The following MROH1 variants were observed in gnomAD, a reference collection of about 807,000 sequenced individuals.
The protein encoded by MROH1 is maestro heat like repeat family member 1.
A neutral mutation model predicts 116.5 loss-of-function variants in MROH1; 117 were observed. The observed-to-expected ratio is 1.00, with a 90% confidence interval of 0.86 to 1.17. The LOEUF (loss-of-function observed/expected upper bound fraction) is 1.17, where lower values mean the gene tolerates loss of function less well. Ranked by LOEUF, MROH1 falls within the 50% of genes most tolerant of loss-of-function variation. MROH1 has a pLI of 0.00. For missense variants in MROH1, 1,873 were observed against 1,338.5 expected, an observed-to-expected ratio of 1.40 and a Z score of -6.23; for synonymous variants, 921 against 583.9, an observed-to-expected ratio of 1.58 and a Z score of -8.32.
intron 1 of MROH1, among the ~76,000 whole-genome samples, chr8:144,151,382 A>C (rs1816753390): frequency 6.6e-6 from 1 of 152,066 alleles, no homozygotes; most frequent in Non-Finnish European, 1.5e-5. Flanking sequence ...ACGCCAGTGG[A>C]AGAACACACC....
intron 33 of MROH1, chr8:144,250,714 T>C: frequency 2.4e-6 from 1 of 411,996 alleles, no homozygotes; most frequent in East Asian, 5.4e-5. Flanking sequence ...CCCCTCACCC[T>C]GTGTCTTGGT....
chr8:144,192,513 G>T, intron 10 of MROH1, 112 bp downstream of exon 10: 2 of 873,036 alleles, frequency 2.3e-6, no homozygotes, highest in Non-Finnish European at 3.7e-6. Context: ...GCCACGTGGG[G>T]CTGAGGACTG....
In MROH1 at chr8:144,191,761, T is replaced by C; in HGVS notation, c.761T>C (p.Leu254Pro). 1 of 1,613,322 alleles carries C rather than the reference T, an allele frequency of 6.2e-7. No homozygotes were observed. ...VEALGPMSHLLPSERLEEQLP... is the reference protein window; with the variant it reads ...VEALGPMSHLPPSERLEEQLP... ...GCTCTGGGGCCTATGAGCCATCTGC[T>C]GCCCAGTGAGAGGCTGGAAGAGCAG... The change falls in exon 9 of 44, where the codon CTG (leucine) becomes CCG (proline). Residue 254 changes from leucine to proline, a missense_variant. Transcript: ENST00000326134.
intron 13 of MROH1, 106 bp downstream of exon 13, chr8:144,220,779 C>G (rs1836550457): frequency 6.7e-6 from 6 of 892,726 alleles, no homozygotes; most frequent in African/African-American, 6.6e-5. Flanking sequence ...GGCCACCACC[C>G]TTGGCTGGAC....
intron 12 of MROH1, among the ~76,000 whole-genome samples, chr8:144,209,606 C>A (rs190346104): frequency 1.4e-5 from 2 of 146,808 alleles, no homozygotes; most frequent in African/African-American, 5.0e-5. Context: ...AAAGAAAAAT[C>A]GTTAGTATAA....
chr8:144,260,977 A>C lies in MROH1; in HGVS notation c.4607A>C (p.Lys1536Thr). Residue 1536 changes from lysine to threonine, a missense_variant, in exon 41 of 44, where the codon AAA (lysine) becomes ACA (threonine). Coordinates refer to ENST00000326134, the MANE Select transcript of MROH1 (RefSeq NM_032450.3). ...GAGGAGCTCTCAGCTGCTTTCCAGA[A>C]ACACCTGCAGGAGGGCCGAGCCCTG... The part of the protein sequence containing the change: ...ACEELSAAFQ[K>T]HLQEGRALHF... The C allele has an allele frequency of 2.6e-6, 2 of 777,162 alleles. No homozygotes were observed. The highest frequency in any genetic ancestry group is 4.8e-6 in the Non-Finnish European group (2 of 417,480). 48.1% of individuals were successfully genotyped at this position (777,162 alleles called of 1,614,324 possible). A position where few individuals can be genotyped will look rare whatever the true frequency, so the allele number is the denominator to read the frequency against.
At chr8:144,149,585 C>T (rs1476692634) in intron 1 of MROH1, among the ~76,000 whole-genome samples, 2 of 152,094 alleles carry the variant, frequency 1.3e-5, no homozygotes, top group Admixed American at 6.5e-5. Flanking sequence ...CTGGTTGCTG[C>T]CCTCTGTCTC....
intron 4 of MROH1, 125 bp from the exon 5 acceptor site, chr8:144,179,330 C>T (rs960414899): frequency 4.4e-5 from 60 of 1,370,190 alleles, no homozygotes; most frequent in Non-Finnish European, 9.9e-6. Context: ...CAGGTGTACC[C>T]CTCCCCTCCT....
At chr8:144,201,781 G>A (rs904192231) in intron 12 of MROH1, among the ~76,000 whole-genome samples, 3 of 152,074 alleles carry the variant, frequency 2.0e-5, no homozygotes, top group Admixed American at 2.0e-4. Context: ...GGGAGGCCAT[G>A]GCGGGCAGAT....
At position 144,248,837 on chromosome 8, in the gene MROH1, G is replaced by GC. The variant is rs1347944833; in HGVS notation, c.3121-34dup. ...GCCTAACAGAAGTGGCGTTGGGGGT[G>GC]CCCCCCTTCCCTCAACCTCTGGCAT... On this transcript the variant is annotated intron_variant, in intron 31 of 43. Coordinates refer to ENST00000326134, the MANE Select transcript of MROH1 (RefSeq NM_032450.3). 6 of 770,974 alleles carry GC rather than the reference G, an allele frequency of 7.8e-6. No homozygotes were observed. In the Admixed American group the frequency reaches 8.6e-5, roughly 11 times the overall value. 47.8% of individuals were successfully genotyped at this position (770,974 alleles called of 1,614,324 possible).
chr8:144,254,174 A>G (rs1043783313), intron 33 of MROH1, among the ~76,000 whole-genome samples: 6,605 of 152,032 alleles, frequency 0.043, 187 homozygotes, highest in African/African-American at 0.072. Context: ...TTATCTTCCT[A>G]TTCACTGGGT....
intron 1 of MROH1, among the ~76,000 whole-genome samples, chr8:144,157,235 C>A (rs1271524080): frequency 6.6e-5 from 10 of 152,110 alleles, no homozygotes; most frequent in Non-Finnish European, 7.3e-5. Flanking sequence ...GCTTGAGCCA[C>A]CATGTACAGC....
At chr8:144,190,972 C>T (rs1430967419) in intron 8 of MROH1, 37 bp downstream of exon 8, 1 of 1,580,570 alleles carries the variant, frequency 6.3e-7, no homozygotes. Flanking sequence ...CGCCTGATGC[C>T]AGGGCTCTCT....
rs1002834118 is a variant in MROH1 at position 144,260,223 on chromosome 8, T to C, written c.4229T>C (p.Ile1410Thr). 19 of 765,708 alleles carry C rather than the reference T, an allele frequency of 2.5e-5. No individual in the cohort carries two copies. Among genetic ancestry groups the C allele is most frequent in the African/African-American group, 1.5e-4 (9 of 59,104 alleles). The allele number at this position is 765,708 out of a possible 1,614,324, so 47.4% of individuals were successfully genotyped here. Reference protein sequence around the residue: ...THGPQLLTAMIGGLDDGDNPH... With the variant: ...THGPQLLTAMTGGLDDGDNPH... ...GGCCCCCAGCTCCTCACAGCCATGA[T>C]TGGCGGGCTGGACGACGGGGACAAC... The change falls in exon 39 of 44, where the codon ATT becomes ACT. Residue 1410 changes from isoleucine to threonine, a missense_variant. Coordinates refer to ENST00000326134, the MANE Select transcript of MROH1 (RefSeq NM_032450.3).
intron 7 of MROH1, among the ~76,000 whole-genome samples, chr8:144,186,495 C>T (rs1201931179): frequency 2.6e-5 from 4 of 152,186 alleles, no homozygotes; most frequent in Non-Finnish European, 1.5e-5. Flanking sequence ...GTCTGCCCTC[C>T]CCGTCCATGC....
At chr8:144,151,247 C>CA (rs1160118892) in intron 1 of MROH1, among the ~76,000 whole-genome samples, 3,286 of 22,774 alleles carry the variant, frequency 0.14, 505 homozygotes, top group Non-Finnish European at 0.19. Flanking sequence ...TATTCTGTCT[C>CA]AAAAAAAAAA....
rs1841201729 is a variant in MROH1, at chr8:144,242,628, G to A, written c.2352G>A (p.Lys784=). 2.6e-6 allele frequency: 2 copies of A among 779,978 alleles called. No homozygotes were observed. Among genetic ancestry groups the A allele is most frequent in the Non-Finnish European group, 4.8e-6 (2 of 417,528 alleles). 48.3% of individuals were successfully genotyped at this position (779,978 alleles called of 1,614,324 possible). A position where few individuals can be genotyped will look rare whatever the true frequency, so the allele number is the denominator to read the frequency against. ...TTCTAGGAATAAAGGTAGAAACCAA[G>A]GTACAGTGTGTAGGAATTAAGTGCT... ...TKVLGIKVET[K]DPALKLCLVQ... Residue 784 remains lysine (K), a splice_region_variant and synonymous_variant, in exon 24 of 44, where the codon AAG becomes AAA. Transcript: ENST00000326134.
chr8:144,259,900 TCTG>T lies in MROH1; in HGVS notation c.4045-9_4045-7del, dbSNP rs2130026895. 1.4e-6 allele frequency: 1 copy of T among 731,212 alleles called. No homozygotes were observed. Among genetic ancestry groups the T allele is most frequent in the East Asian group, 2.6e-5 (1 of 38,286 alleles). 45.3% of individuals were successfully genotyped at this position (731,212 alleles called of 1,614,324 possible). A position where few individuals can be genotyped will look rare whatever the true frequency, so the allele number is the denominator to read the frequency against. On this transcript the variant is annotated splice_region_variant and splice_polypyrimidine_tract_variant and intron_variant, in intron 37 of 43. Transcript: ENST00000326134. ...GCGGGGAGAGGGAAGTCACAGCACC[TCTG>T]CCTGCAGCTGCTGAACAGCAACGTG... is the stretch of plus-strand genomic sequence containing the variant.
intron 12 of MROH1, chr8:144,213,120 G>T (rs1381743657): frequency 2.6e-6 from 2 of 771,844 alleles, no homozygotes; most frequent in East Asian, 2.4e-5. Flanking sequence ...TCTGTTGCTT[G>T]AGTCACCACG....
Sources: allele counts gnomAD v4.1 joint callset (sites outside exome capture counted in the v4.1 genomes callset), GRCh38; gene constraint gnomAD v4.1.1; transcripts MANE v1.5; gene names NCBI Gene and HGNC (gene_info 2026-07-23, HGNC 2026-07-21).